Variants in DPP10 observed in about 807,000 individuals in gnomAD.
DPP10 encodes the protein dipeptidyl peptidase like 10.
A neutral mutation model predicts 120.9 loss-of-function variants in DPP10; 33 were observed. The observed-to-expected ratio is 0.27, with a 90% CI of 0.21 to 0.37. The LOEUF (loss-of-function observed/expected upper bound fraction) is 0.37. Ranked by LOEUF, DPP10 falls within the 10% of genes least tolerant of loss-of-function variation. DPP10 has a pLI of 1.00. For synonymous variants in DPP10, 337 were observed against 326.1 expected (o/e 1.03, Z -0.36); for missense variants, 816 against 942.8 (o/e 0.87, Z 1.76).
At chr2:114,517,889 T>C (rs1684732198) in intron 1 of DPP10, among the ~76,000 whole-genome samples, 1 of 152,168 alleles carries the variant, frequency 6.6e-6, no homozygotes, top group Non-Finnish European at 1.5e-5. Context: ...CTCTGAGGTT[T>C]AGCTTCATAT....
intron 1 of DPP10, among the ~76,000 whole-genome samples, chr2:114,995,456 T>TA (rs1701019472): frequency 6.6e-6 from 1 of 152,150 alleles, no homozygotes; most frequent in Admixed American, 6.5e-5. Context: ...ATCTTATTTC[T>TA]AACAGGCTTC....
intron 1 of DPP10, among the ~76,000 whole-genome samples, chr2:115,133,957 G>C (rs1371244222): frequency 6.6e-6 from 1 of 152,170 alleles, no homozygotes; most frequent in Non-Finnish European, 1.5e-5. Context: ...TACAGGAATT[G>C]CTTTGTCCCC....
chr2:114,543,361 C>T lies in DPP10; in HGVS notation c.60+100523C>T, dbSNP rs1422554935. On this transcript the variant is annotated intron_variant, in intron 1 of 25. Transcript: ENST00000410059. ...AATTTCCAACATTGACAGCATCCTC[C>T]ACTCCTGCGTCCCTGAAGCAAAGCT... Among the ~76,000 whole-genome samples the T allele has an allele frequency of 5.3e-5, 8 of 152,202 alleles. No homozygotes were observed. In the East Asian group the frequency reaches 5.8e-4, roughly 11 times the overall value.
At chr2:114,485,415 T>C (rs1053115657) in intron 1 of DPP10, among the ~76,000 whole-genome samples, 1 of 150,582 alleles carries the variant, frequency 6.6e-6, no homozygotes, top group Non-Finnish European at 1.5e-5. Flanking sequence ...GATCCACTTA[T>C]TACACTGACT....
intron 1 of DPP10, among the ~76,000 whole-genome samples, chr2:115,038,416 G>C (rs1017796339): frequency 6.6e-6 from 1 of 151,728 alleles, no homozygotes; most frequent in African/African-American, 2.4e-5. Context: ...GACTACAGGC[G>C]CCCGCCACCA....
At chr2:115,785,003 C>T (rs554153349) in intron 17 of DPP10, among the ~76,000 whole-genome samples, 2 of 152,326 alleles carry the variant, frequency 1.3e-5, no homozygotes, top group East Asian at 3.9e-4. Context: ...GTGCCCTGGG[C>T]ATCTTCCATC....
intron 1 of DPP10, among the ~76,000 whole-genome samples, chr2:114,765,743 A>C (rs964204574): frequency 2.6e-5 from 4 of 152,196 alleles, no homozygotes; most frequent in African/African-American, 9.6e-5. Flanking sequence ...ATTTATTGCT[A>C]TCAGTGCTGA....
At chr2:114,660,043 G>A (rs1296462774) in intron 1 of DPP10, among the ~76,000 whole-genome samples, 6 of 152,142 alleles carry the variant, frequency 3.9e-5, no homozygotes, top group Non-Finnish European at 7.4e-5. Context: ...AATGTATGTG[G>A]TTTTAAGCCA....
chr2:115,675,356 A>T (rs1219306049), intron 5 of DPP10, among the ~76,000 whole-genome samples: 1 of 152,236 alleles, frequency 6.6e-6, no homozygotes, highest in Non-Finnish European at 1.5e-5. Flanking sequence ...GCTTTAAAAA[A>T]AAATGACTCA....
chr2:115,821,560 A>G (rs571559782), intron 21 of DPP10, among the ~76,000 whole-genome samples: 1 of 152,136 alleles, frequency 6.6e-6, no homozygotes, highest in South Asian at 2.1e-4. Flanking sequence ...TGAAGATTGT[A>G]TTCATTTAAA....
chr2:115,516,513 G>A (rs573968438), intron 4 of DPP10, among the ~76,000 whole-genome samples: 3 of 150,870 alleles, frequency 2.0e-5, no homozygotes, highest in South Asian at 2.1e-4. Context: ...ATGTTACATC[G>A]GTTAATATAT....
At chr2:114,705,526 C>G (rs2105837970) in intron 1 of DPP10, among the ~76,000 whole-genome samples, 1 of 152,098 alleles carries the variant, frequency 6.6e-6, no homozygotes, top group African/African-American at 2.4e-5. Context: ...ATTTACTTTC[C>G]TTGATCACCG....
chr2:115,798,928 C>T (rs1575809511), intron 19 of DPP10, among the ~76,000 whole-genome samples: 1 of 151,664 alleles, frequency 6.6e-6, no homozygotes, highest in Non-Finnish European at 1.5e-5. Context: ...CTTCATTAAT[C>T]CACTATCTGA....
intron 24 of DPP10, among the ~76,000 whole-genome samples, chr2:115,839,426 A>T (rs900572787): frequency 6.6e-6 from 1 of 152,150 alleles, no homozygotes; most frequent in Non-Finnish European, 1.5e-5. Context: ...CTGTAGTCCC[A>T]GCACTTTGGG....
At chr2:115,311,832 C>A (rs2061592187) in intron 2 of DPP10, among the ~76,000 whole-genome samples, 1 of 152,158 alleles carries the variant, frequency 6.6e-6, no homozygotes, top group African/African-American at 2.4e-5. Context: ...GTGGTGCAAT[C>A]ATGGCTCACT....
chr2:115,826,631 G>GA (rs2150079495), intron 21 of DPP10, among the ~76,000 whole-genome samples: 1 of 152,280 alleles, frequency 6.6e-6, no homozygotes, highest in South Asian at 2.1e-4. Flanking sequence ...TGAGGCAGGA[G>GA]AATTGCTTGA....
chr2:114,584,204 AAGTAT>A (rs1250097884), intron 1 of DPP10, among the ~76,000 whole-genome samples: 1 of 152,158 alleles, frequency 6.6e-6, no homozygotes, highest in Admixed American at 6.5e-5. Context: ...GCTGAAAAAG[AAGTAT>A]AGTATATGTG....
At chr2:115,161,487 C>A (rs575432199) in intron 1 of DPP10, 435 of 151,716 alleles carry the variant, frequency 2.9e-3, no homozygotes, top group Non-Finnish European at 4.5e-3. Context: ...CTCCCCCCCC[C>A]CGGCTGCGGT....
chr2:114,538,617 T>G (rs1483743216), intron 1 of DPP10, among the ~76,000 whole-genome samples: 1 of 152,192 alleles, frequency 6.6e-6, no homozygotes, highest in Non-Finnish European at 1.5e-5. Context: ...TTCCAGTGTT[T>G]TAGTGAGGGT....
Sources: gnomAD v4.1 joint callset for allele counts (sites outside exome capture counted in the v4.1 genomes callset) on GRCh38, gnomAD v4.1.1 for gene constraint, MANE v1.5 for transcripts, NCBI Gene and HGNC (gene_info 2026-07-23, HGNC 2026-07-21) for gene names.